The following FRMD3 variants were observed in gnomAD, a reference collection of about 807,000 sequenced individuals.
FRMD3 encodes FERM domain-containing protein 3.
FRMD3 carries 33 observed loss-of-function variants against 70.2 expected under a neutral mutation model. The ratio of observed to expected loss-of-function variants is 0.47; its 90% CI spans 0.36 to 0.63. FRMD3 has a LOEUF of 0.63. FRMD3 is among the 20% of genes least tolerant of loss of function. FRMD3 has a pLI of 0.00. For synonymous variants in FRMD3, 279 were observed against 255.9 expected (o/e 1.09, Z -0.86); for missense variants, 632 against 711.4 (o/e 0.89, Z 1.27).
chr9:83,262,146 G>A (rs1039386605), intron 13 of FRMD3, among the ~76,000 whole-genome samples: 3 of 152,128 alleles, frequency 2.0e-5, no homozygotes, highest in Admixed American at 6.5e-5. Flanking sequence ...CTGAATCTCT[G>A]GTCTATCTCA....
intron 1 of FRMD3, among the ~76,000 whole-genome samples, chr9:83,447,173 G>A (rs141929439): frequency 0.012 from 1,797 of 152,188 alleles, 49 homozygotes; most frequent in African/African-American, 0.042. Context: ...ACAGGCATGC[G>A]CCACCACGCA....
the FRMD3 span, among the ~76,000 whole-genome samples, chr9:83,560,032 A>G: frequency 6.6e-6 from 1 of 152,316 alleles, no homozygotes; most frequent in South Asian, 2.1e-4. Flanking sequence ...ATAAATGACA[A>G]GAAATGAAAA....
the FRMD3 span, among the ~76,000 whole-genome samples, chr9:83,577,256 G>A: frequency 6.6e-6 from 1 of 151,870 alleles, no homozygotes; most frequent in Non-Finnish European, 1.5e-5. Flanking sequence ...AAAGGACCCA[G>A]AGCAGCCAAA....
At position 83,440,341 on chromosome 9, in the gene FRMD3, G is replaced by T. The variant is rs1023895363; in HGVS notation, c.148-50633C>A. On this transcript the variant is annotated intron_variant, in intron 1 of 13. Transcript: ENST00000304195. ...CATCAGTGATCAGTGTAATAGTCAT[G>T]TGGTAGTCCCTATAATCCAATGTCC... Among the ~76,000 whole-genome samples, 4 of 152,228 alleles carry T rather than the reference G, an allele frequency of 2.6e-5. No individual in the cohort carries two copies. In the East Asian group the frequency reaches 7.7e-4, roughly 29 times the overall value.
chr9:83,457,889 T>C (rs938257971), intron 1 of FRMD3, among the ~76,000 whole-genome samples: 1 of 151,842 alleles, frequency 6.6e-6, no homozygotes, highest in Non-Finnish European at 1.5e-5. Context: ...AAACATCACA[T>C]TGTACACTTC....
At chr9:83,411,912 C>G (rs1370915471) in intron 1 of FRMD3, among the ~76,000 whole-genome samples, 1 of 152,170 alleles carries the variant, frequency 6.6e-6, no homozygotes, top group African/African-American at 2.4e-5. Flanking sequence ...TGGGATCAGT[C>G]TGCATAGAAT....
intron 1 of FRMD3, among the ~76,000 whole-genome samples, chr9:83,420,751 C>A (rs1209872430): frequency 6.6e-6 from 1 of 151,944 alleles, no homozygotes; most frequent in Non-Finnish European, 1.5e-5. Flanking sequence ...TCAGTGAAAT[C>A]TGATTGTTAA....
intron 13 of FRMD3, among the ~76,000 whole-genome samples, chr9:83,273,609 T>TAAAAAAAAAAA (rs899879607): frequency 6.6e-4 from 47 of 71,296 alleles, no homozygotes; most frequent in African/African-American, 1.5e-3. Flanking sequence ...CAATAAATAC[T>TAAAAAAAAAAA]AAAAAAAAAA....
intron 6 of FRMD3, among the ~76,000 whole-genome samples, chr9:83,319,373 G>A (rs920653675): frequency 1.3e-5 from 2 of 152,078 alleles, no homozygotes; most frequent in Admixed American, 1.3e-4. Flanking sequence ...ATGGTGAGAT[G>A]TATGGGTCCA....
At chr9:83,544,804 C>A in the FRMD3 span, among the ~76,000 whole-genome samples, 1 of 152,114 alleles carries the variant, frequency 6.6e-6, no homozygotes, top group Non-Finnish European at 1.5e-5. Flanking sequence ...AGCCTTGGCC[C>A]CCTGAAAGCA....
intron 1 of FRMD3, among the ~76,000 whole-genome samples, chr9:83,535,925 G>C (rs1018732599): frequency 6.6e-6 from 1 of 152,094 alleles, no homozygotes; most frequent in Non-Finnish European, 1.5e-5. Flanking sequence ...GTTTTGTTTC[G>C]CATTGTTTTT....
chr9:83,471,111 C>T (rs1828257838), intron 1 of FRMD3, among the ~76,000 whole-genome samples: 2 of 152,174 alleles, frequency 1.3e-5, no homozygotes, highest in African/African-American at 4.8e-5. Flanking sequence ...TGCCTCTAGA[C>T]AGGTGAGAGG....
chr9:83,369,224 T>C (rs1219466271), intron 3 of FRMD3, among the ~76,000 whole-genome samples: 1 of 152,172 alleles, frequency 6.6e-6, no homozygotes, highest in Non-Finnish European at 1.5e-5. Context: ...TTTATTGCAG[T>C]ACACTTTACA....
At chr9:83,431,648 G>A (rs1240827064) in intron 1 of FRMD3, among the ~76,000 whole-genome samples, 2 of 152,126 alleles carry the variant, frequency 1.3e-5, no homozygotes, top group Non-Finnish European at 2.9e-5. Flanking sequence ...TTTGCTGAAG[G>A]TATAAAGGTG....
At chr9:83,553,591 T>C in the FRMD3 span, among the ~76,000 whole-genome samples, 1 of 152,310 alleles carries the variant, frequency 6.6e-6, no homozygotes, top group East Asian at 1.9e-4. Flanking sequence ...TGTCTGATTG[T>C]CTTATTTCAG....
intron 1 of FRMD3, among the ~76,000 whole-genome samples, chr9:83,413,944 A>G (rs542530740): frequency 6.6e-6 from 1 of 152,370 alleles, no homozygotes; most frequent in East Asian, 1.9e-4. Flanking sequence ...AAGAAATGAT[A>G]GAATTGTAGT....
the FRMD3 span, among the ~76,000 whole-genome samples, chr9:83,575,128 G>C: frequency 6.6e-6 from 1 of 152,084 alleles, no homozygotes; most frequent in African/African-American, 2.4e-5. Context: ...CACAATGCCT[G>C]CTCCCTAGGA....
chr9:83,547,338 T>G, the FRMD3 span, among the ~76,000 whole-genome samples: 1 of 148,398 alleles, frequency 6.7e-6, no homozygotes, highest in African/African-American at 2.5e-5. Context: ...TATATATAAT[T>G]ATTATATAAT....
intron 1 of FRMD3, among the ~76,000 whole-genome samples, chr9:83,432,156 T>G (rs74684589): frequency 0.038 from 5,769 of 151,764 alleles, 189 homozygotes; most frequent in East Asian, 0.16. Context: ...ATTGCAAGAG[T>G]CTTCCCCACA....
Sources: allele counts gnomAD v4.1 joint callset (sites outside exome capture counted in the v4.1 genomes callset), GRCh38; gene constraint gnomAD v4.1.1; transcripts MANE v1.5; gene names NCBI Gene and HGNC (gene_info 2026-07-23, HGNC 2026-07-21).